PTPRT: variants seen among roughly 807,000 people sequenced by gnomAD.
The protein encoded by PTPRT is receptor-type tyrosine-protein phosphatase T.
A neutral mutation model predicts 176.8 loss-of-function variants in PTPRT; 56 were observed. The observed-to-expected ratio is 0.32, with a 90% CI of 0.26 to 0.40. The LOEUF (loss-of-function observed/expected upper bound fraction) is 0.40, where lower values mean the gene tolerates loss of function less well. PTPRT is among the 10% of genes least tolerant of loss of function. The pLI is 1.00. For synonymous variants in PTPRT, 783 were observed against 739.0 expected, an observed-to-expected ratio of 1.06 and a Z score of -0.96; for missense variants, 1,540 against 1,908.2, an observed-to-expected ratio of 0.81 and a Z score of 3.60.
intron 3 of PTPRT, among the ~76,000 whole-genome samples, chr20:42,786,466 G>C (rs2077292305): frequency 6.6e-6 from 1 of 152,114 alleles, no homozygotes; most frequent in Non-Finnish European, 1.5e-5. Context: ...AGAGGACCTG[G>C]GATGGATCAT....
chr20:42,135,618 T>G (rs1404111953), intron 18 of PTPRT, among the ~76,000 whole-genome samples: 2 of 152,194 alleles, frequency 1.3e-5, no homozygotes, highest in Admixed American at 1.3e-4. Flanking sequence ...TTACTGGAAA[T>G]GGGCCATAAG....
At chr20:42,628,255 G>A (rs1375757011) in intron 7 of PTPRT, among the ~76,000 whole-genome samples, 2 of 152,146 alleles carry the variant, frequency 1.3e-5, no homozygotes, top group African/African-American at 4.8e-5. Flanking sequence ...ACAGAAAATA[G>A]CTCCTCAGTG....
chr20:42,110,108 G>A (rs960091397), intron 23 of PTPRT, among the ~76,000 whole-genome samples: 2 of 150,912 alleles, frequency 1.3e-5, no homozygotes, highest in Middle Eastern at 3.2e-3. Context: ...GTGCAGTGGC[G>A]CGATCTTGGC....
chr20:42,268,353 G>A (rs1456135578), intron 13 of PTPRT, among the ~76,000 whole-genome samples: 1 of 152,170 alleles, frequency 6.6e-6, no homozygotes, highest in Non-Finnish European at 1.5e-5. Flanking sequence ...TATGGGACTG[G>A]CTCTGTTTAA....
intron 24 of PTPRT, among the ~76,000 whole-genome samples, chr20:42,105,676 C>T (rs907700395): frequency 6.6e-6 from 1 of 152,194 alleles, no homozygotes; most frequent in Non-Finnish European, 1.5e-5. Flanking sequence ...CTGGCTTCTG[C>T]ATGCATGGAC....
chr20:42,220,989 G>GT (rs1032460885), intron 15 of PTPRT, among the ~76,000 whole-genome samples: 24 of 152,024 alleles, frequency 1.6e-4, no homozygotes, highest in Non-Finnish European at 3.1e-4. Context: ...AGTTGGTAGA[G>GT]TTTTTTTGTT....
rs115970194 is a variant in PTPRT at position 42,539,527 on chromosome 20, G to A, written c.1154-66965C>T. The stretch of plus-strand genomic sequence containing the variant: ...TCCCCACTAGACTTGTCTTAGTCTA[G>A]GTTTCACATTTCTCATCAGACACAG... On this transcript the variant is annotated intron_variant, in intron 7 of 30. Coordinates refer to ENST00000373187, the MANE Select transcript of PTPRT (RefSeq NM_007050.6). Among the ~76,000 whole-genome samples the A allele has an allele frequency of 3.7e-3, 554 of 151,516 alleles. 6 individuals are homozygous for A. Among genetic ancestry groups the A allele is most frequent in the African/African-American group, 0.013 (527 of 41,286 alleles).
chr20:42,922,387 T>C lies in PTPRT; in HGVS notation c.89-36455A>G, dbSNP rs1979204692. On this transcript the variant is annotated intron_variant, in intron 1 of 30. Transcript: ENST00000373187. ...AGCCCACAACTTGAAATAGTATCCA[T>C]ACACTGACTACTCCCAATTTCACAT... Among the ~76,000 whole-genome samples the C allele has an allele frequency of 3.3e-5, 5 of 152,286 alleles. 1 individual carries two copies. The South Asian group carries it at 1.0e-3, about 32-fold the overall frequency.
At chr20:42,105,388 A>T (rs1986344998) in intron 24 of PTPRT, among the ~76,000 whole-genome samples, 1 of 152,122 alleles carries the variant, frequency 6.6e-6, no homozygotes, top group Admixed American at 6.5e-5. Flanking sequence ...AACGTGTCAT[A>T]TCTTCTCCTA....
At chr20:42,946,183 C>T (rs187666997) in intron 1 of PTPRT, among the ~76,000 whole-genome samples, 5 of 152,102 alleles carry the variant, frequency 3.3e-5, no homozygotes, top group Admixed American at 6.6e-5. Context: ...ATGGGGACAT[C>T]GGAATCATTG....
At chr20:42,907,058 C>T (rs547286101) in intron 1 of PTPRT, among the ~76,000 whole-genome samples, 11 of 151,822 alleles carry the variant, frequency 7.2e-5, no homozygotes, top group Admixed American at 6.6e-4. Flanking sequence ...TACCTACAGT[C>T]AGAAAATGTA....
chr20:42,178,235 C>T (rs1245700348), intron 16 of PTPRT, among the ~76,000 whole-genome samples: 1 of 152,132 alleles, frequency 6.6e-6, no homozygotes, highest in East Asian at 1.9e-4. Context: ...CGTGCCCAGC[C>T]AGAAGATCTG....
intron 9 of PTPRT, among the ~76,000 whole-genome samples, chr20:42,420,591 A>G (rs2059109401): frequency 6.6e-6 from 1 of 152,102 alleles, no homozygotes; most frequent in Non-Finnish European, 1.5e-5. Context: ...CTCACAAGGG[A>G]TTCAACTCAC....
chr20:42,230,166 A>C (rs1044520775), intron 15 of PTPRT, among the ~76,000 whole-genome samples: 1 of 152,166 alleles, frequency 6.6e-6, no homozygotes, highest in Non-Finnish European at 1.5e-5. Context: ...ATCGGATTTG[A>C]ATATATTGAG....
At chr20:42,482,448 A>T (rs1201250146) in intron 7 of PTPRT, among the ~76,000 whole-genome samples, 1 of 152,230 alleles carries the variant, frequency 6.6e-6, no homozygotes, top group African/African-American at 2.4e-5. Context: ...CCAAAAGTAA[A>T]GCACTGGACA....
rs1249106593 is a variant in PTPRT, at chr20:42,079,014, G to A, written c.*1865C>T. 1.1e-5 allele frequency: 2 copies of A among 179,504 alleles called. No homozygotes were observed. The highest frequency in any genetic ancestry group is 2.4e-5 in the Non-Finnish European group (2 of 83,864). 11.1% of individuals were successfully genotyped at this position (179,504 alleles called of 1,614,324 possible). A position where few individuals can be genotyped will look rare whatever the true frequency, so the allele number is the denominator to read the frequency against. ...ATTCTCTGCCCCTCATGCCCTGTCT[G>A]GGGCTAGACCAGCCTTCAAGATGGA... On this transcript the variant is annotated 3_prime_UTR_variant, in exon 31 of 31. Transcript: ENST00000373187.
intron 1 of PTPRT, among the ~76,000 whole-genome samples, chr20:43,121,400 ATC>A (rs1358044871): frequency 6.6e-6 from 1 of 152,338 alleles, no homozygotes; most frequent in African/African-American, 2.4e-5. Flanking sequence ...TTATGCATAT[ATC>A]TAGCTTATTA....
chr20:43,047,685 T>C (rs1392027373), intron 1 of PTPRT, among the ~76,000 whole-genome samples: 1 of 141,104 alleles, frequency 7.1e-6, no homozygotes, highest in African/African-American at 2.6e-5. Flanking sequence ...CTAATCATAC[T>C]AATGATGATG....
chr20:42,866,324 C>CCA (rs939395404), intron 2 of PTPRT, among the ~76,000 whole-genome samples: 1 of 152,168 alleles, frequency 6.6e-6, no homozygotes, highest in African/African-American at 2.4e-5. Context: ...GAAATGGAAC[C>CCA]CACGTGGCTT....
Sources: gnomAD v4.1 joint callset for allele counts (sites outside exome capture counted in the v4.1 genomes callset) on GRCh38, gnomAD v4.1.1 for gene constraint, MANE v1.5 for transcripts, NCBI Gene and HGNC (gene_info 2026-07-23, HGNC 2026-07-21) for gene names.